The following MYOC variants were observed in gnomAD, a reference collection of about 807,000 sequenced individuals.
MYOC encodes juvenile-onset open-angle glaucoma 1.
A neutral mutation model predicts 28.2 loss-of-function variants in MYOC; 29 were observed. The observed-to-expected ratio is 1.03, with a 90% confidence interval of 0.77 to 1.40. MYOC has a LOEUF of 1.40. MYOC is among the 40% of genes most tolerant of loss of function. The pLI, the probability that MYOC is intolerant of heterozygous loss-of-function variation, is 0.00. For missense variants in MYOC, 569 were observed against 620.6 expected, an observed-to-expected ratio of 0.92 and a Z score of 0.88; for synonymous variants, 240 against 245.6, an observed-to-expected ratio of 0.98 and a Z score of 0.21.
chr1:171,648,274 GC>G (rs1669174035), intron 1 of MYOC, among the ~76,000 whole-genome samples: 1 of 151,830 alleles, frequency 6.6e-6, no homozygotes, highest in South Asian at 2.1e-4. Flanking sequence ...CCATGGGATA[GC>G]CCTTGGCCAA....
intron 1 of MYOC, among the ~76,000 whole-genome samples, chr1:171,647,207 A>G (rs966139759): frequency 1.3e-5 from 2 of 152,224 alleles, no homozygotes; most frequent in African/African-American, 4.8e-5. Context: ...TGACATATTG[A>G]TTATTGAATG....
intron 1 of MYOC, among the ~76,000 whole-genome samples, chr1:171,645,263 T>C (rs946680375): frequency 2.0e-5 from 3 of 152,084 alleles, no homozygotes; most frequent in African/African-American, 7.2e-5. Flanking sequence ...GCCATAACCT[T>C]TCCACAGCCC....
chr1:171,639,089 T>G (rs1360212947), intron 1 of MYOC, among the ~76,000 whole-genome samples: 1 of 151,984 alleles, frequency 6.6e-6, no homozygotes, highest in Non-Finnish European at 1.5e-5. Flanking sequence ...AGAAAGAAAC[T>G]CTGTCTGAAA....
intron 1 of MYOC, among the ~76,000 whole-genome samples, chr1:171,641,917 A>G (rs985000644): frequency 1.8e-4 from 27 of 152,244 alleles, no homozygotes; most frequent in Admixed American, 1.7e-3. Context: ...GAGGATCACC[A>G]CAGAAGTCTT....
At position 171,640,713 on chromosome 1, in the gene MYOC, G is replaced by A. The variant is rs74467701; in HGVS notation, c.605-1991C>T. Among the ~76,000 whole-genome samples the A allele has an allele frequency of 2.8e-4, 43 of 152,180 alleles. No individual in the cohort carries two copies. The East Asian group carries it at 7.7e-3, about 27-fold the overall frequency. On this transcript the variant is annotated intron_variant, in intron 1 of 2. Transcript: ENST00000037502. ...CGTACCTCTGCACTCCAGCCCTGGCGTAGAGTGAGACCCTGTCCTCCCCTC... is the reference window on the plus strand; with the variant it reads ...CGTACCTCTGCACTCCAGCCCTGGCATAGAGTGAGACCCTGTCCTCCCCTC...
At chr1:171,643,677 C>T (rs1653132987) in intron 1 of MYOC, among the ~76,000 whole-genome samples, 2 of 152,130 alleles carry the variant, frequency 1.3e-5, no homozygotes, top group Admixed American at 1.3e-4. Context: ...TCTCAACTCT[C>T]AGAATATAAG....
chr1:171,638,030 G>A (rs1163737050), intron 2 of MYOC, among the ~76,000 whole-genome samples: 1 of 152,168 alleles, frequency 6.6e-6, no homozygotes, highest in Non-Finnish European at 1.5e-5. Context: ...TTGCATGCAT[G>A]CCCTTCAGTG....
At chr1:171,648,556 C>A (rs1653258840) in intron 1 of MYOC, among the ~76,000 whole-genome samples, 1 of 147,630 alleles carries the variant, frequency 6.8e-6, no homozygotes, top group Non-Finnish European at 1.5e-5. Flanking sequence ...GGCTAAATAA[C>A]AAACAAAGCA....
intron 1 of MYOC, among the ~76,000 whole-genome samples, chr1:171,651,585 A>G (rs1414006971): frequency 6.6e-6 from 1 of 152,152 alleles, no homozygotes; most frequent in Non-Finnish European, 1.5e-5. Context: ...ACTTATTATC[A>G]TTTCCCAAAT....
chr1:171,643,968 CAAAAAAAAAAAAA>C (rs145167337), intron 1 of MYOC, among the ~76,000 whole-genome samples: 1 of 89,454 alleles, frequency 1.1e-5, no homozygotes, highest in Non-Finnish European at 2.1e-5. Context: ...GACTCTGTCT[CAAAAAAAAAAAAA>C]AAAAAAAAAA....
chr1:171,648,553 T>C (rs1653258664), intron 1 of MYOC, among the ~76,000 whole-genome samples: 1 of 148,198 alleles, frequency 6.7e-6, no homozygotes, highest in Admixed American at 6.8e-5. Flanking sequence ...AGGGGCTAAA[T>C]AACAAACAAA....
At chr1:171,646,102 G>C (rs140329268) in intron 1 of MYOC, among the ~76,000 whole-genome samples, 5 of 152,324 alleles carry the variant, frequency 3.3e-5, no homozygotes, top group East Asian at 3.9e-4. Flanking sequence ...TCCAGGAATA[G>C]AGCCATCTGG....
At position 171,644,215 on chromosome 1, in the gene MYOC, T is replaced by C. The variant is rs1022100658; in HGVS notation, c.605-5493A>G. ...GTGGAAGAAAACCAAAAAGAGATTA[T>C]GAAAATATTAAGGGCTATATTGTGA... On this transcript the variant is annotated intron_variant, in intron 1 of 2. Transcript: ENST00000037502. 3.2e-4 allele frequency among the ~76,000 whole-genome samples: 48 copies of C among 152,106 alleles called. 1 individual carries two copies. Among genetic ancestry groups the C allele is most frequent in the Admixed American group, 3.0e-3 (46 of 15,276 alleles).
At chr1:171,649,566 T>C (rs183274747) in intron 1 of MYOC, among the ~76,000 whole-genome samples, 6 of 152,106 alleles carry the variant, frequency 3.9e-5, no homozygotes, top group Non-Finnish European at 8.8e-5. Flanking sequence ...AAGGCCGAGG[T>C]CGGCAGATCA....
chr1:171,650,914 C>A (rs1397033796), intron 1 of MYOC, among the ~76,000 whole-genome samples: 1 of 152,084 alleles, frequency 6.6e-6, no homozygotes, highest in East Asian at 1.9e-4. Context: ...GCATGTATCT[C>A]CATAGAACAA....
At chr1:171,644,108 C>T (rs1243832635) in intron 1 of MYOC, among the ~76,000 whole-genome samples, 1 of 152,014 alleles carries the variant, frequency 6.6e-6, no homozygotes, top group Non-Finnish European at 1.5e-5. Context: ...TCCACAGTTG[C>T]CATGGGAGGG....
At chr1:171,638,563 G>A in intron 2 of MYOC, 34 bp downstream of exon 2, 3 of 1,612,654 alleles carry the variant, frequency 1.9e-6, no homozygotes, top group South Asian at 1.1e-5. Context: ...TAAAGACCAC[G>A]TGGGCACAAA....
At chr1:171,641,850 T>C (rs1461261766) in intron 1 of MYOC, among the ~76,000 whole-genome samples, 1 of 152,204 alleles carries the variant, frequency 6.6e-6, no homozygotes, top group African/African-American at 2.4e-5. Flanking sequence ...CGGGAAGACA[T>C]GTTCTGCCTT....
At chr1:171,645,936 G>A (rs1260346328) in intron 1 of MYOC, among the ~76,000 whole-genome samples, 1 of 152,238 alleles carries the variant, frequency 6.6e-6, no homozygotes, top group Non-Finnish European at 1.5e-5. Flanking sequence ...TGCATTAGCT[G>A]GAATAAACAT....
Sources: allele counts gnomAD v4.1 joint callset (sites outside exome capture counted in the v4.1 genomes callset), GRCh38; gene constraint gnomAD v4.1.1; transcripts MANE v1.5; gene names NCBI Gene and HGNC (gene_info 2026-07-23, HGNC 2026-07-21).